HSPA12A: variants seen among roughly 807,000 people sequenced by gnomAD.
The protein encoded by HSPA12A is heat shock protein family A (Hsp70) member 12A, also known as heat shock 70 kDa protein 12A.
A neutral mutation model predicts 69.2 loss-of-function variants in HSPA12A; 28 were observed. That is an observed-to-expected ratio of 0.40 (90% CI 0.30 to 0.55). The LOEUF is 0.55. HSPA12A is among the 20% of genes least tolerant of loss of function. The pLI is 0.38. For synonymous variants in HSPA12A, 345 were observed against 370.5 expected, an observed-to-expected ratio of 0.93 and a Z score of 0.79; for missense variants, 686 against 900.7, an observed-to-expected ratio of 0.76 and a Z score of 3.05.
intron 1 of HSPA12A, among the ~76,000 whole-genome samples, chr10:116,846,338 TTTTTTG>T (rs1171035936): frequency 6.7e-6 from 1 of 148,452 alleles, no homozygotes; most frequent in African/African-American, 2.5e-5. Context: ...TTTCTTTTTT[TTTTTTG>T]TTTTTTTGTT....
At chr10:116,778,864 C>A (rs1224525657) in intron 2 of HSPA12A, among the ~76,000 whole-genome samples, 2 of 152,146 alleles carry the variant, frequency 1.3e-5, no homozygotes, top group African/African-American at 4.8e-5. Context: ...GAGCCCAGGA[C>A]GCTGAGGCTG....
chr10:116,759,332 C>T (rs1173877004), intron 2 of HSPA12A, among the ~76,000 whole-genome samples: 18 of 152,144 alleles, frequency 1.2e-4, no homozygotes, highest in African/African-American at 4.3e-4. Flanking sequence ...GCTGCCCCTC[C>T]CTGTGTGCTT....
At chr10:116,827,597 C>T (rs184677555) in intron 2 of HSPA12A, 1 of 152,352 alleles carries the variant, frequency 6.6e-6, no homozygotes, top group South Asian at 2.1e-4. Context: ...GCCACCAACT[C>T]ACAACACCGC....
At chr10:116,839,598 C>T (rs1845771006) in intron 1 of HSPA12A, among the ~76,000 whole-genome samples, 2 of 130,642 alleles carry the variant, frequency 1.5e-5, no homozygotes, top group African/African-American at 6.1e-5. Flanking sequence ...TCGTAGATGC[C>T]TACCGTAAAA....
At chr10:116,711,514 T>C (rs1315788232) in intron 1 of HSPA12A, among the ~76,000 whole-genome samples, 1 of 152,026 alleles carries the variant, frequency 6.6e-6, no homozygotes, top group African/African-American at 2.4e-5. Flanking sequence ...TTTTAAGAAA[T>C]ACCTACAGCA....
intron 2 of HSPA12A, among the ~76,000 whole-genome samples, chr10:116,811,579 TAAAAAAAA>T (rs60912684): frequency 2.8e-5 from 3 of 105,926 alleles, no homozygotes; most frequent in African/African-American, 7.5e-5. Flanking sequence ...TTGCTTTTGT[TAAAAAAAA>T]AAAAAAAAAA....
chr10:116,723,202 A>C lies in HSPA12A; in HGVS notation c.41-15917T>G. On this transcript the variant is annotated intron_variant, in intron 1 of 11. Coordinates refer to ENST00000369209, the MANE Select transcript of HSPA12A (RefSeq NM_025015.3). The surrounding 1 kb of genome is among the most constrained non-coding windows in gnomAD (Gnocchi z 4.1). Reference sequence around the variant, plus strand: ...AATCAGATACCTCCATTACCCCCTAACCATTGCCCCCCCATCATTCCTGTC... The same window carrying C: ...AATCAGATACCTCCATTACCCCCTACCCATTGCCCCCCCATCATTCCTGTC... Among the ~76,000 whole-genome samples the C allele has an allele frequency of 6.7e-6, 1 of 148,920 alleles. No homozygotes were observed.
chr10:116,846,706 T>C (rs560963134), intron 1 of HSPA12A, among the ~76,000 whole-genome samples: 1 of 152,312 alleles, frequency 6.6e-6, no homozygotes, highest in East Asian at 1.9e-4. Context: ...GAAAATCAGA[T>C]ACTATCAAAA....
At chr10:116,682,347 C>T (rs1373502020) in intron 7 of HSPA12A, among the ~76,000 whole-genome samples, 1 of 152,080 alleles carries the variant, frequency 6.6e-6, no homozygotes, top group Non-Finnish European at 1.5e-5. Context: ...AAGCTATCTG[C>T]CAAACAGCCT....
At chr10:116,763,154 G>T (rs1665672) in intron 2 of HSPA12A, among the ~76,000 whole-genome samples, 103,748 of 151,900 alleles carry the variant, frequency 0.68, 35,618 homozygotes, top group East Asian at 0.77. Flanking sequence ...GAGCTGACAG[G>T]GTATGAAAAG....
intron 2 of HSPA12A, among the ~76,000 whole-genome samples, chr10:116,706,738 T>C (rs1850264374): frequency 6.6e-6 from 1 of 152,152 alleles, no homozygotes; most frequent in Admixed American, 6.5e-5. Context: ...TCAGGGCTTC[T>C]CTACCAGGCA....
chr10:116,798,056 A>AAGCAG lies in HSPA12A; in HGVS notation c.91+36878_91+36879insCTGCT, dbSNP rs1554893569. 5.3e-5 allele frequency among the ~76,000 whole-genome samples: 8 copies of AAGCAG among 151,782 alleles called. No homozygotes were observed. In the East Asian group the frequency reaches 1.6e-3, roughly 30 times the overall value. ...TCTTACAAGAACTATTTCTGGAGAG[A>AAGCAG]GGCAGGGGCTGGGACCAGATCACGT... On this transcript the variant is annotated intron_variant, in intron 2 of 12. Coordinates refer to the HSPA12A transcript ENST00000635765.
At chr10:116,823,645 G>T (rs532673246) in intron 2 of HSPA12A, among the ~76,000 whole-genome samples, 1 of 152,266 alleles carries the variant, frequency 6.6e-6, no homozygotes, top group South Asian at 2.1e-4. Context: ...ACAATTTAGT[G>T]GGGAAATAAT....
intron 1 of HSPA12A, among the ~76,000 whole-genome samples, chr10:116,846,567 C>G (rs1845889479): frequency 6.6e-6 from 1 of 152,066 alleles, no homozygotes; most frequent in African/African-American, 2.4e-5. Flanking sequence ...CCAGGATGGT[C>G]TTGATCTCCT....
intron 1 of HSPA12A, among the ~76,000 whole-genome samples, chr10:116,726,731 G>C (rs1850976354): frequency 6.6e-6 from 1 of 152,160 alleles, no homozygotes; most frequent in Non-Finnish European, 1.5e-5. Flanking sequence ...TGGCCCTACT[G>C]CCTCCAGGTG....
At chr10:116,793,302 G>A (rs1283424982) in intron 2 of HSPA12A, among the ~76,000 whole-genome samples, 1 of 152,226 alleles carries the variant, frequency 6.6e-6, no homozygotes. Flanking sequence ...TGGGCACAGT[G>A]GCTCACGCCT....
intron 1 of HSPA12A, among the ~76,000 whole-genome samples, chr10:116,736,866 A>C (rs1471538583): frequency 1.3e-5 from 2 of 152,172 alleles, no homozygotes; most frequent in Non-Finnish European, 2.9e-5. Context: ...CAGCCATTAA[A>C]TTTGTGGTAA....
upstream of HSPA12A, among the ~76,000 whole-genome samples, chr10:116,746,451 C>A (rs565925402): frequency 8.6e-4 from 131 of 152,258 alleles, no homozygotes; most frequent in African/African-American, 3.0e-3. Context: ...TGCATCAGGA[C>A]CAAGAATGAG....
At chr10:116,765,982 T>G (rs536657318) in intron 2 of HSPA12A, among the ~76,000 whole-genome samples, 130 of 152,348 alleles carry the variant, frequency 8.5e-4, no homozygotes, top group African/African-American at 3.0e-3. Flanking sequence ...TGCAGCCGCT[T>G]GTGGCTCCAA....
Sources: gnomAD v4.1 joint callset for allele counts (sites outside exome capture counted in the v4.1 genomes callset) on GRCh38, gnomAD v4.1.1 for gene constraint, Gnocchi (gnomAD v3.1) non-coding constraint, MANE v1.5 for transcripts, NCBI Gene and HGNC (gene_info 2026-07-23, HGNC 2026-07-21) for gene names.